ZNF138: variants seen among roughly 807,000 people sequenced by gnomAD.
ZNF138 encodes zinc finger protein 138, also known as zinc finger protein 138 (clone pHZ-32).
In ZNF138, 33 loss-of-function variants were observed where a neutral mutation model predicts 33.0. The ratio of observed to expected loss-of-function variants is 1.00; its 90% CI spans 0.76 to 1.34. ZNF138 has a LOEUF of 1.34. Among genes scored for constraint, ZNF138 ranks in the 40% most tolerant of loss-of-function variants. ZNF138 has a pLI of 0.00. For synonymous variants in ZNF138, 139 were observed against 120.4 expected (o/e 1.15, Z -1.01); for missense variants, 360 against 370.8 (o/e 0.97, Z 0.24).
chr7:64,837,156 G>C (rs1790392664), downstream of ZNF138, among the ~76,000 whole-genome samples: 2 of 152,162 alleles, frequency 1.3e-5, no homozygotes, highest in South Asian at 4.1e-4. Flanking sequence ...GTTTGGTTGG[G>C]GGGAGGGAAG....
At chr7:64,827,383 T>G (rs771537165) in intron 3 of ZNF138, among the ~76,000 whole-genome samples, 4 of 152,072 alleles carry the variant, frequency 2.6e-5, no homozygotes, top group Non-Finnish European at 4.4e-5. Flanking sequence ...TAGCTGGGAC[T>G]ACAGGCACCC....
intron 1 of ZNF138, among the ~76,000 whole-genome samples, chr7:64,808,419 T>G (rs1787787676): frequency 6.6e-6 from 1 of 152,182 alleles, no homozygotes; most frequent in Non-Finnish European, 1.5e-5. Flanking sequence ...TAGTCTTGAC[T>G]AGCAACTGAA....
At chr7:64,799,886 G>C (rs1027674950) in intron 1 of ZNF138, among the ~76,000 whole-genome samples, 7 of 152,032 alleles carry the variant, frequency 4.6e-5, no homozygotes, top group Non-Finnish European at 1.0e-4. Flanking sequence ...GGTGTTAGGC[G>C]ATCCACCCAC....
intron 3 of ZNF138, among the ~76,000 whole-genome samples, chr7:64,818,478 G>A: frequency 6.6e-6 from 1 of 152,124 alleles, no homozygotes; most frequent in East Asian, 1.9e-4. Flanking sequence ...TGAGCCGGAT[G>A]TGGTGGCTCA....
the ZNF138 span, among the ~76,000 whole-genome samples, chr7:64,858,809 A>G: frequency 1.3e-5 from 2 of 152,152 alleles, no homozygotes; most frequent in Non-Finnish European, 2.9e-5. Flanking sequence ...CTTTTTGCAA[A>G]TAACAAGGCT....
At chr7:64,846,054 C>T in the ZNF138 span, among the ~76,000 whole-genome samples, 3 of 152,262 alleles carry the variant, frequency 2.0e-5, no homozygotes, top group South Asian at 2.1e-4. Context: ...TTTGCTTTGT[C>T]AAAGATCAGT....
chr7:64,848,382 T>C, the ZNF138 span, among the ~76,000 whole-genome samples: 1 of 152,018 alleles, frequency 6.6e-6, no homozygotes, highest in Non-Finnish European at 1.5e-5. Context: ...GTTGGGTTAA[T>C]CCAAAAACCT....
At chr7:64,834,405 AAAAT>A (rs1164294564), downstream of ZNF138, among the ~76,000 whole-genome samples, 1 of 152,242 alleles carries the variant, frequency 6.6e-6, no homozygotes, top group African/African-American at 2.4e-5. Context: ...CTGAGTATAT[AAAAT>A]AACCCAAAAC....
At chr7:64,815,076 A>G in intron 2 of ZNF138, 32 bp downstream of exon 2, 2 of 1,536,230 alleles carry the variant, frequency 1.3e-6, no homozygotes, top group Non-Finnish European at 1.7e-6. Context: ...ATTTCCTAAT[A>G]TATCCTAAAG....
intron 3 of ZNF138, among the ~76,000 whole-genome samples, chr7:64,827,402 G>A (rs372732452): frequency 2.1e-3 from 320 of 151,968 alleles, no homozygotes; most frequent in Admixed American, 5.0e-3. Flanking sequence ...CCGCCACCAC[G>A]CCTGGCTAAT....
chr7:64,832,848 T>C lies in ZNF138; in HGVS notation c.*646T>C. 1 of 438,418 alleles carries C rather than the reference T, an allele frequency of 2.3e-6. No individual in the cohort carries two copies. The highest frequency in any genetic ancestry group is 1.8e-5 in the South Asian group (1 of 56,390). 27.2% of individuals were successfully genotyped at this position (438,418 alleles called of 1,614,324 possible). ...AGAGAAACCCTACAAATGTGAAGAA[T>C]GTGGCATATCTTTTAACCAGTTCTC... is the stretch of plus-strand genomic sequence containing the variant. On this transcript the variant is annotated 3_prime_UTR_variant, in exon 4 of 4. Transcript: ENST00000307355.
chr7:64,814,271 C>A (rs192955564), intron 1 of ZNF138: 179 of 362,590 alleles, frequency 4.9e-4, no homozygotes, highest in African/African-American at 3.9e-3. Flanking sequence ...TTTAACTCAA[C>A]GTGCCTTTTC....
intron 1 of ZNF138, among the ~76,000 whole-genome samples, chr7:64,807,343 T>C (rs954788995): frequency 2.6e-5 from 4 of 152,208 alleles, no homozygotes; most frequent in Non-Finnish European, 5.9e-5. Context: ...TCTTTTTGCC[T>C]TTACAAATCC....
At chr7:64,836,066 G>A (rs1790356604), downstream of ZNF138, 1 of 152,198 alleles carries the variant, frequency 6.6e-6, no homozygotes, top group African/African-American at 2.4e-5. Context: ...TAGCCTCCGG[G>A]TGGTGCCAGG....
chr7:64,832,109 G>A lies in ZNF138; in HGVS notation c.867G>A (p.Lys289=), dbSNP rs1397313461. 1 of 1,613,360 alleles carries A rather than the reference G, an allele frequency of 6.2e-7. No individual in the cohort carries two copies. Among genetic ancestry groups the A allele is most frequent in the East Asian group, 2.2e-5 (1 of 44,842 alleles). ...GTGAACAATGTGGCAAGGTCTTTAAGCAGTCCCCAACCCTTACTAAACATC... is the reference window on the plus strand; with the variant it reads ...GTGAACAATGTGGCAAGGTCTTTAAACAGTCCCCAACCCTTACTAAACATC... ...YKCEQCGKVF[K]QSPTLTKHQI... is the part of the protein sequence containing the mutation. The change falls in exon 4 of 4, where the codon AAG becomes AAA. Residue 289 remains lysine (K), a synonymous_variant. Coordinates refer to ENST00000307355, the MANE Select transcript of ZNF138 (RefSeq NM_001271639.2).
intron 1 of ZNF138, among the ~76,000 whole-genome samples, chr7:64,795,849 C>G (rs1157174590): frequency 6.6e-6 from 1 of 152,170 alleles, no homozygotes; most frequent in Non-Finnish European, 1.5e-5. Flanking sequence ...AAAATATCCA[C>G]TGTGGCTGTG....
chr7:64,843,122 G>A, the ZNF138 span, among the ~76,000 whole-genome samples: 1,467 of 152,168 alleles, frequency 9.6e-3, 9 homozygotes, highest in Middle Eastern at 0.02. Flanking sequence ...TTTCCTCCAG[G>A]TTAATTCGTG....
the ZNF138 span, chr7:64,852,958 G>A: frequency 3.8e-6 from 5 of 1,331,074 alleles, no homozygotes; most frequent in Non-Finnish European, 5.4e-6. Context: ...CCATTTCCCT[G>A]TTGGTCATTT....
At chr7:64,826,882 TC>T in intron 3 of ZNF138, among the ~76,000 whole-genome samples, 1 of 151,996 alleles carries the variant, frequency 6.6e-6, no homozygotes, top group East Asian at 1.9e-4. Context: ...ACTTCTGGCC[TC>T]AAGCAGTCCA....
Sources: allele counts gnomAD v4.1 joint callset (sites outside exome capture counted in the v4.1 genomes callset), GRCh38; gene constraint gnomAD v4.1.1; transcripts MANE v1.5; gene names NCBI Gene and HGNC (gene_info 2026-07-23, HGNC 2026-07-21).